Variants in MED13L observed in about 807,000 individuals in gnomAD.
MED13L encodes the protein mediator of RNA polymerase II transcription subunit 13-like.
Under a neutral mutation model 220.9 loss-of-function variants are expected in MED13L, and 7 were observed. That is an observed-to-expected ratio of 0.03 (90% confidence interval 0.02 to 0.06). The LOEUF is 0.06. MED13L is among the 10% of genes least tolerant of loss of function. The pLI is 1.00. For synonymous variants in MED13L, 1,011 were observed against 1,015.2 expected (o/e 1.00, Z 0.08); for missense variants, 1,965 against 2,760.5 (o/e 0.71, Z 6.46).
At chr12:116,055,188 G>A (rs1868847294) in intron 4 of MED13L, among the ~76,000 whole-genome samples, 1 of 152,162 alleles carries the variant, frequency 6.6e-6, no homozygotes, top group Non-Finnish European at 1.5e-5. Context: ...CATAAGGGGT[G>A]CTTCTAAGAA....
At chr12:116,277,034 C>A (rs1413601204) in intron 1 of MED13L, 26 bp downstream of exon 1, 2 of 1,557,408 alleles carry the variant, frequency 1.3e-6, no homozygotes, top group Middle Eastern at 2.0e-4. Flanking sequence ...CCGGCACAGC[C>A]CCCTCCCCGC....
At chr12:116,130,218 C>T (rs78278544) in intron 2 of MED13L, among the ~76,000 whole-genome samples, 1 of 152,148 alleles carries the variant, frequency 6.6e-6, no homozygotes, top group Non-Finnish European at 1.5e-5. Flanking sequence ...CTTGGCCACA[C>T]TGGAATAACA....
At chr12:116,216,357 C>A (rs1361150589) in intron 2 of MED13L, among the ~76,000 whole-genome samples, 1 of 152,052 alleles carries the variant, frequency 6.6e-6, no homozygotes, top group Non-Finnish European at 1.5e-5. Context: ...CTTGCTTAAT[C>A]CTGGTATCTA....
At chr12:116,250,776 C>CAA (rs772459455) in intron 1 of MED13L, among the ~76,000 whole-genome samples, 111 of 76,486 alleles carry the variant, frequency 1.5e-3, no homozygotes, top group African/African-American at 2.1e-3. Flanking sequence ...GACTCCTCCT[C>CAA]AAAAAAAAAA....
chr12:116,083,958 C>T (rs960934691), intron 4 of MED13L, among the ~76,000 whole-genome samples: 3 of 152,134 alleles, frequency 2.0e-5, no homozygotes, highest in East Asian at 3.9e-4. Flanking sequence ...ATGATGTAGC[C>T]AGAAGAATTA....
intron 3 of MED13L, among the ~76,000 whole-genome samples, chr12:116,097,754 GT>G (rs1051087270): frequency 6.6e-6 from 1 of 152,082 alleles, no homozygotes; most frequent in Admixed American, 6.6e-5. Context: ...ATTCTAACAT[GT>G]TTTTTTGAAG....
chr12:116,217,878 C>A (rs1220507522), intron 2 of MED13L, among the ~76,000 whole-genome samples: 6 of 152,058 alleles, frequency 3.9e-5, no homozygotes, highest in Non-Finnish European at 1.5e-5. Context: ...AGAATTATAC[C>A]AAAATAAGGT....
At chr12:116,195,039 C>A (rs904966737) in intron 2 of MED13L, among the ~76,000 whole-genome samples, 1 of 152,100 alleles carries the variant, frequency 6.6e-6, no homozygotes, top group African/African-American at 2.4e-5. Context: ...GGGACTGAGG[C>A]CGAAATTGGG....
rs537306035 is a variant in MED13L at position 116,249,194 on chromosome 12, G to A, written c.73-11489C>T. On this transcript the variant is annotated intron_variant, in intron 1 of 30. Coordinates refer to ENST00000281928, the MANE Select transcript of MED13L (RefSeq NM_015335.5). The stretch of plus-strand genomic sequence containing the variant: ...CAGTCAAGTTCTGAACAGCCAGAGA[G>A]AAAAAACACTGTTAAACACCTTGGG... 7.9e-5 allele frequency among the ~76,000 whole-genome samples: 12 copies of A among 152,284 alleles called. No homozygotes were observed. The South Asian group carries it at 2.5e-3, about 32-fold the overall frequency.
intron 2 of MED13L, among the ~76,000 whole-genome samples, chr12:116,162,691 C>A (rs1878978450): frequency 6.6e-6 from 1 of 152,192 alleles, no homozygotes; most frequent in Admixed American, 6.5e-5. Context: ...ATAAAATTCA[C>A]ATATCTCCAA....
chr12:116,007,646 A>C lies in MED13L; in HGVS notation c.2013-10T>G, dbSNP rs779894322. On this transcript the variant is annotated splice_polypyrimidine_tract_variant and intron_variant, in intron 10 of 30. Coordinates refer to ENST00000281928, the MANE Select transcript of MED13L (RefSeq NM_015335.5). ...AGGTTGTGCTAAGAGTCTAAAAGAC[A>C]AAAAAAAAAAAAAAAAAAAGAGCAT... 1.0e-4 allele frequency: 56 copies of C among 561,512 alleles called. No homozygotes were observed. In the African/African-American group the frequency reaches 1.4e-3, roughly 14 times the overall value. 34.8% of individuals were successfully genotyped at this position (561,512 alleles called of 1,614,324 possible). A position where few individuals can be genotyped will look rare whatever the true frequency, so the allele number is the denominator to read the frequency against.
chr12:116,067,116 GA>G (rs1284110672), intron 4 of MED13L, among the ~76,000 whole-genome samples: 3 of 151,426 alleles, frequency 2.0e-5, no homozygotes, highest in Admixed American at 6.6e-5. Flanking sequence ...AACAAGAGAT[GA>G]AAAAAAGCTA....
At chr12:116,060,997 C>A (rs1013287651) in intron 4 of MED13L, among the ~76,000 whole-genome samples, 12 of 152,158 alleles carry the variant, frequency 7.9e-5, no homozygotes, top group Non-Finnish European at 1.8e-4. Context: ...TTTTCTATCT[C>A]CTGCCTTCTT....
intron 2 of MED13L, among the ~76,000 whole-genome samples, chr12:116,157,662 T>C (rs1298910612): frequency 1.3e-5 from 2 of 152,244 alleles, no homozygotes; most frequent in African/African-American, 4.8e-5. Context: ...AATAGTGAAG[T>C]TGTTTCTCAC....
intron 2 of MED13L, among the ~76,000 whole-genome samples, chr12:116,159,307 G>A (rs982995508): frequency 6.6e-6 from 1 of 152,158 alleles, no homozygotes; most frequent in Non-Finnish European, 1.5e-5. Flanking sequence ...CACAAAAACT[G>A]TTTCAATAGA....
rs145325790 is a variant in MED13L at position 116,234,452 on chromosome 12, A to C, written c.310+3016T>G. 6.2e-3 allele frequency among the ~76,000 whole-genome samples: 934 copies of C among 151,848 alleles called. 8 individuals carry two copies. Among genetic ancestry groups the C allele is most frequent in the African/African-American group, 0.021 (871 of 41,352 alleles). ...ACTATGTTGGCCAGGCTGGTCTCCA[A>C]CTCCTGAACTCAGGTGATCCTCCTG... On this transcript the variant is annotated intron_variant, in intron 2 of 30. Coordinates refer to ENST00000281928, the MANE Select transcript of MED13L (RefSeq NM_015335.5).
intron 3 of MED13L, among the ~76,000 whole-genome samples, chr12:116,097,586 T>C (rs1872723466): frequency 6.6e-6 from 1 of 152,252 alleles, no homozygotes; most frequent in Non-Finnish European, 1.5e-5. Flanking sequence ...ATTTTCTTTT[T>C]GTAGGCACAA....
intron 9 of MED13L, among the ~76,000 whole-genome samples, chr12:116,011,065 T>A (rs971110246): frequency 6.6e-6 from 1 of 151,824 alleles, no homozygotes; most frequent in African/African-American, 2.4e-5. Context: ...GTTTTTTTTT[T>A]AAGTAGAAAT....
chr12:116,057,291 C>T (rs947647996), intron 4 of MED13L, among the ~76,000 whole-genome samples: 3 of 152,026 alleles, frequency 2.0e-5, no homozygotes, highest in African/African-American at 7.2e-5. Flanking sequence ...AAGCACATTC[C>T]ACATGAAAAG....
Sources: gnomAD v4.1 joint callset for allele counts (sites outside exome capture counted in the v4.1 genomes callset) on GRCh38, gnomAD v4.1.1 for gene constraint, MANE v1.5 for transcripts, NCBI Gene and HGNC (gene_info 2026-07-23, HGNC 2026-07-21) for gene names.